The following ZMAT4 variants were observed in gnomAD, a reference collection of about 807,000 sequenced individuals.
ZMAT4 encodes the protein zinc finger matrin-type protein 4.
ZMAT4 carries 17 observed loss-of-function variants against 28.7 expected under a neutral mutation model. The ratio of observed to expected loss-of-function variants is 0.59; its 90% CI spans 0.41 to 0.89. ZMAT4 has a LOEUF of 0.89. ZMAT4 is among the 40% of genes least tolerant of loss of function. ZMAT4 has a pLI of 0.00. For synonymous variants in ZMAT4, 117 were observed against 109.2 expected, an observed-to-expected ratio of 1.07 and a Z score of -0.44; for missense variants, 240 against 283.8, an observed-to-expected ratio of 0.85 and a Z score of 1.11.
chr8:40,831,165 A>G (rs113448852), intron 1 of ZMAT4, among the ~76,000 whole-genome samples: 2 of 152,196 alleles, frequency 1.3e-5, no homozygotes, highest in African/African-American at 4.8e-5. Context: ...TTGTATCAAC[A>G]ATACCATCCA....
intron 1 of ZMAT4, among the ~76,000 whole-genome samples, chr8:40,855,848 A>ATTTTTTAT (rs1817278352): frequency 6.6e-6 from 1 of 151,130 alleles, no homozygotes; most frequent in Non-Finnish European, 1.5e-5. Flanking sequence ...GCTACTTTTT[A>ATTTTTTAT]TTTTTTATTT....
At chr8:40,598,383 C>A (rs1348553473) in intron 5 of ZMAT4, among the ~76,000 whole-genome samples, 1 of 152,118 alleles carries the variant, frequency 6.6e-6, no homozygotes, top group African/African-American at 2.4e-5. Context: ...CCCTGACAGG[C>A]CCCAGTGTGT....
chr8:40,669,628 T>C (rs942361876), intron 5 of ZMAT4, among the ~76,000 whole-genome samples: 14 of 152,210 alleles, frequency 9.2e-5, no homozygotes, highest in African/African-American at 3.4e-4. Context: ...ATTTTATTTA[T>C]GTTACTTTAT....
At chr8:40,701,881 C>A (rs1477924326) in intron 3 of ZMAT4, among the ~76,000 whole-genome samples, 2 of 152,058 alleles carry the variant, frequency 1.3e-5, no homozygotes, top group African/African-American at 4.8e-5. Flanking sequence ...TGGCTCTTTG[C>A]AACTCTAGAT....
chr8:40,587,955 T>C (rs1334429349), intron 5 of ZMAT4, among the ~76,000 whole-genome samples: 1 of 151,940 alleles, frequency 6.6e-6, no homozygotes, highest in Non-Finnish European at 1.5e-5. Flanking sequence ...AGTGTCTGTA[T>C]TAATATTAGA....
chr8:40,859,859 C>A (rs1817429272), intron 1 of ZMAT4, among the ~76,000 whole-genome samples: 2 of 151,948 alleles, frequency 1.3e-5, no homozygotes, highest in Non-Finnish European at 2.9e-5. Context: ...ATCAGAAGAG[C>A]AATTTCTGCA....
chr8:40,837,094 T>G (rs1816522045), intron 1 of ZMAT4, among the ~76,000 whole-genome samples: 1 of 152,250 alleles, frequency 6.6e-6, no homozygotes, highest in Admixed American at 6.5e-5. Context: ...CATTGTTTTT[T>G]TCCTTTCTCC....
At chr8:40,874,907 G>A (rs1817985872) in intron 1 of ZMAT4, among the ~76,000 whole-genome samples, 1 of 152,186 alleles carries the variant, frequency 6.6e-6, no homozygotes, top group Non-Finnish European at 1.5e-5. Flanking sequence ...GAAGAAAAAT[G>A]CCTCTCCCTC....
intron 2 of ZMAT4, among the ~76,000 whole-genome samples, chr8:40,801,351 A>AAAAAATATATATATATATAT (rs370796453): frequency 1.0e-5 from 1 of 97,258 alleles, no homozygotes; most frequent in African/African-American, 3.7e-5. Context: ...TAAAAAAAAA[A>AAAAAATATATATATATATAT]ATATATATAT....
In ZMAT4 at chr8:40,581,191, A is replaced by G; in HGVS notation, c.648T>C (p.His216=). The change falls in exon 6 of 7, where the codon CAT becomes CAC. Residue 216 remains histidine (H), a synonymous_variant. Coordinates refer to ENST00000297737, the MANE Select transcript of ZMAT4 (RefSeq NM_024645.3). The stretch of plus-strand genomic sequence containing the variant: ...TGGTCTGGTGTTTAGATCCTTTCAG[A>G]TGGGCATGATACTGTTCTATTGAGT... ...SLNSIEQYHA[H]LKGSKHQTNL... is the part of the protein sequence containing the mutation. 1 of 1,613,360 alleles carries G rather than the reference A, an allele frequency of 6.2e-7. No homozygotes were observed. The highest frequency in any genetic ancestry group is 8.5e-7 in the Non-Finnish European group (1 of 1,179,464).
chr8:40,751,844 T>G (rs957046299), intron 3 of ZMAT4, among the ~76,000 whole-genome samples: 1 of 152,096 alleles, frequency 6.6e-6, no homozygotes, highest in South Asian at 2.1e-4. Context: ...TTATAATTGT[T>G]TCAAAGAAAA....
chr8:40,590,968 C>T (rs143430859), intron 5 of ZMAT4, among the ~76,000 whole-genome samples: 1 of 152,204 alleles, frequency 6.6e-6, no homozygotes, highest in East Asian at 1.9e-4. Context: ...TTGTAACTGT[C>T]TAGAGTGCTC....
chr8:40,605,310 GC>G (rs1277982834), intron 5 of ZMAT4, among the ~76,000 whole-genome samples: 1 of 152,094 alleles, frequency 6.6e-6, no homozygotes, highest in Non-Finnish European at 1.5e-5. Context: ...TTTGATGTAG[GC>G]AGTTAATGCT....
intron 3 of ZMAT4, among the ~76,000 whole-genome samples, chr8:40,722,203 A>G (rs1253640900): frequency 6.6e-6 from 1 of 152,122 alleles, no homozygotes; most frequent in Non-Finnish European, 1.5e-5. Flanking sequence ...GAGCTTCTGC[A>G]CAGCAAAAGA....
At chr8:40,716,816 A>G (rs1196511271) in intron 3 of ZMAT4, among the ~76,000 whole-genome samples, 3 of 152,202 alleles carry the variant, frequency 2.0e-5, no homozygotes, top group Admixed American at 1.3e-4. Flanking sequence ...TCTCCTTGAG[A>G]TATCAACAAA....
chr8:40,712,329 G>A (rs574351810), intron 3 of ZMAT4, among the ~76,000 whole-genome samples: 5 of 152,294 alleles, frequency 3.3e-5, no homozygotes, highest in Non-Finnish European at 5.9e-5. Flanking sequence ...AACCAACCCA[G>A]AGTTGTGTCC....
chr8:40,649,892 A>C (rs1055776098), intron 5 of ZMAT4, among the ~76,000 whole-genome samples: 135 of 152,106 alleles, frequency 8.9e-4, no homozygotes, highest in South Asian at 6.3e-3. Context: ...ACAAAGACAC[A>C]ACATACCAGA....
At chr8:40,538,108 C>T (rs1802906285) in intron 6 of ZMAT4, among the ~76,000 whole-genome samples, 1 of 152,144 alleles carries the variant, frequency 6.6e-6, no homozygotes, top group Non-Finnish European at 1.5e-5. Context: ...CCTCATTATA[C>T]CTCTCCAGCA....
At chr8:40,610,333 A>G (rs1805751294) in intron 5 of ZMAT4, among the ~76,000 whole-genome samples, 1 of 152,210 alleles carries the variant, frequency 6.6e-6, no homozygotes, top group Admixed American at 6.5e-5. Context: ...TCATAGATCA[A>G]ACCAATAAAA....
Sources: gnomAD v4.1 joint callset for allele counts (sites outside exome capture counted in the v4.1 genomes callset) on GRCh38, gnomAD v4.1.1 for gene constraint, MANE v1.5 for transcripts, NCBI Gene and HGNC (gene_info 2026-07-23, HGNC 2026-07-21) for gene names.